The following DAB1 variants were observed in gnomAD, a reference collection of about 807,000 sequenced individuals.
DAB1 encodes the protein DAB adaptor protein 1, also known as disabled homolog 1.
A neutral mutation model predicts 64.6 loss-of-function variants in DAB1; 15 were observed. The ratio of observed to expected loss-of-function variants is 0.23; its 90% CI spans 0.16 to 0.36. DAB1 has a LOEUF of 0.36. DAB1 is among the 10% of genes least tolerant of loss of function. DAB1 has a pLI of 1.00. For missense variants in DAB1, 596 were observed against 706.7 expected (o/e 0.84, Z 1.78); for synonymous variants, 235 against 251.9 (o/e 0.93, Z 0.64).
At chr1:57,136,757 C>T in intron 3 of DAB1, 116 bp from the exon 4 acceptor site, 1 of 493,320 alleles carries the variant, frequency 2.0e-6, no homozygotes, top group East Asian at 3.2e-5. Context: ...ACACTGCTTT[C>T]CCTTCGCACT....
chr1:58,497,275 G>C (rs961238538), intron 3 of DAB1, among the ~76,000 whole-genome samples: 3 of 152,084 alleles, frequency 2.0e-5, no homozygotes, highest in African/African-American at 7.2e-5. Flanking sequence ...AGGACTTTAG[G>C]GACGTAAGGA....
At chr1:58,053,026 CA>C (rs1164235063) in intron 5 of DAB1, among the ~76,000 whole-genome samples, 1 of 152,144 alleles carries the variant, frequency 6.6e-6, no homozygotes, top group Non-Finnish European at 1.5e-5. Context: ...GGGGAGCTGC[CA>C]GGCTTTTTTA....
At chr1:57,509,908 C>A (rs2101345086) in intron 7 of DAB1, among the ~76,000 whole-genome samples, 1 of 152,336 alleles carries the variant, frequency 6.6e-6, no homozygotes, top group East Asian at 1.9e-4. Context: ...TCCACCTATG[C>A]TCCACATCTC....
intron 6 of DAB1, among the ~76,000 whole-genome samples, chr1:57,654,642 T>C (rs1646295115): frequency 6.6e-6 from 1 of 152,212 alleles, no homozygotes; most frequent in African/African-American, 2.4e-5. Flanking sequence ...ATGAAATATA[T>C]TTAACTCTTC....
At chr1:58,167,656 C>A (rs891004816) in intron 4 of DAB1, among the ~76,000 whole-genome samples, 2 of 152,198 alleles carry the variant, frequency 1.3e-5, no homozygotes, top group African/African-American at 4.8e-5. Flanking sequence ...CTCTTTGGGT[C>A]CGCATTACTT....
intron 4 of DAB1, among the ~76,000 whole-genome samples, chr1:57,084,639 G>A (rs978067718): frequency 1.3e-5 from 2 of 152,172 alleles, no homozygotes; most frequent in Non-Finnish European, 2.9e-5. Context: ...CTCTCTCAGT[G>A]AGCCTTAATT....
chr1:57,033,120 T>C (rs1478054427), intron 9 of DAB1, among the ~76,000 whole-genome samples: 1 of 152,062 alleles, frequency 6.6e-6, no homozygotes, highest in Non-Finnish European at 1.5e-5. Flanking sequence ...TGAAAAATAT[T>C]GCTGGATGAA....
chr1:57,856,760 T>A (rs534706718), intron 1 of DAB1, among the ~76,000 whole-genome samples: 315 of 152,026 alleles, frequency 2.1e-3, no homozygotes, highest in Non-Finnish European at 3.6e-3. Context: ...TGAGCATCCA[T>A]CTCAAAATAA....
At chr1:58,370,598 T>A (rs1644257340) in intron 3 of DAB1, among the ~76,000 whole-genome samples, 1 of 152,216 alleles carries the variant, frequency 6.6e-6, no homozygotes, top group Non-Finnish European at 1.5e-5. Context: ...ATTATTTGTA[T>A]AAACACACTG....
chr1:57,402,083 A>C (rs568440319), intron 1 of DAB1, among the ~76,000 whole-genome samples: 1 of 152,358 alleles, frequency 6.6e-6, no homozygotes, highest in South Asian at 2.1e-4. Context: ...AAAGAGAGAC[A>C]GAGATAAAGA....
At chr1:57,309,158 C>A (rs566189924) in intron 1 of DAB1, among the ~76,000 whole-genome samples, 15 of 152,232 alleles carry the variant, frequency 9.9e-5, no homozygotes, top group African/African-American at 3.1e-4. Context: ...AGATTGGATA[C>A]CCCTGGCCTA....
At chr1:57,326,274 A>C (rs1676149661) in intron 1 of DAB1, among the ~76,000 whole-genome samples, 1 of 152,258 alleles carries the variant, frequency 6.6e-6, no homozygotes, top group Non-Finnish European at 1.5e-5. Context: ...CCTTTGGATC[A>C]GATGAAATGC....
In DAB1 at chr1:57,511,328, C is replaced by T. The variant is rs570197736; in HGVS notation, n.625+138264G>A. On this transcript the variant is annotated intron_variant and non_coding_transcript_variant, in intron 7 of 20. Coordinates refer to the DAB1 transcript ENST00000485760. ...GGCCCCTCAGTCTTCTGGCTTGTGACGTTGCAACCACATGATCTTCTTGCT... is the reference window on the plus strand; with the variant it reads ...GGCCCCTCAGTCTTCTGGCTTGTGATGTTGCAACCACATGATCTTCTTGCT... Among the ~76,000 whole-genome samples the T allele has an allele frequency of 2.7e-4, 41 of 152,320 alleles. 1 individual carries two copies. In the South Asian group the frequency reaches 7.7e-3, roughly 28 times the overall value.
chr1:58,462,079 C>T (rs1164394420), intron 3 of DAB1, among the ~76,000 whole-genome samples: 1 of 144,578 alleles, frequency 6.9e-6, no homozygotes, highest in African/African-American at 2.5e-5. Flanking sequence ...TTGGCAGAGA[C>T]AAGATTGAGA....
At chr1:57,285,843 G>A (rs568272197) in intron 2 of DAB1, among the ~76,000 whole-genome samples, 2 of 152,266 alleles carry the variant, frequency 1.3e-5, no homozygotes, top group South Asian at 2.1e-4. Context: ...CATGGGACAC[G>A]TTCCTCTACC....
chr1:58,475,055 C>T (rs1379361345), intron 3 of DAB1, among the ~76,000 whole-genome samples: 1 of 152,140 alleles, frequency 6.6e-6, no homozygotes, highest in East Asian at 1.9e-4. Context: ...AAAAGACTGG[C>T]CTTATTTCTC....
intron 5 of DAB1, among the ~76,000 whole-genome samples, chr1:58,126,706 G>C (rs936693460): frequency 3.3e-4 from 50 of 151,526 alleles, no homozygotes; most frequent in Admixed American, 9.2e-4. Context: ...AGAATATGCG[G>C]TGTTTGGTTT....
chr1:57,250,479 T>C (rs1669251945), intron 2 of DAB1, among the ~76,000 whole-genome samples: 1 of 152,156 alleles, frequency 6.6e-6, no homozygotes, highest in African/African-American at 2.4e-5. Context: ...TTATCTTCCT[T>C]CCTCTATCAC....
chr1:57,483,575 T>C (rs977712819), intron 7 of DAB1, among the ~76,000 whole-genome samples: 1 of 152,222 alleles, frequency 6.6e-6, no homozygotes, highest in Admixed American at 6.5e-5. Flanking sequence ...AACAGACTAA[T>C]ACATTTATTA....
Sources: gnomAD v4.1 joint callset for allele counts (sites outside exome capture counted in the v4.1 genomes callset) on GRCh38, gnomAD v4.1.1 for gene constraint, MANE v1.5 for transcripts, NCBI Gene and HGNC (gene_info 2026-07-23, HGNC 2026-07-21) for gene names.